BCAS3: variants seen among roughly 807,000 people sequenced by gnomAD.
BCAS3 encodes BCAS3 microtubule associated cell migration factor.
A neutral mutation model predicts 116.1 loss-of-function variants in BCAS3; 53 were observed. The observed-to-expected ratio is 0.46, with a 90% CI of 0.37 to 0.57. The LOEUF (loss-of-function observed/expected upper bound fraction) is 0.57, where lower values mean the gene tolerates loss of function less well. Among genes scored for constraint, BCAS3 ranks in the 20% least tolerant of loss-of-function variants. The pLI, the probability that BCAS3 is intolerant of heterozygous loss-of-function variation, is 0.00. For missense variants in BCAS3, 917 were observed against 1,165.4 expected (o/e 0.79, Z 3.10); for synonymous variants, 391 against 408.2 (o/e 0.96, Z 0.51).
chr17:60,678,552 C>T (rs951982443), intron 1 of BCAS3, among the ~76,000 whole-genome samples: 1 of 152,082 alleles, frequency 6.6e-6, no homozygotes, highest in Non-Finnish European at 1.5e-5. Flanking sequence ...TCAGGATTTA[C>T]TGATGTGACG....
chr17:61,137,780 A>G (rs368840620), intron 22 of BCAS3, among the ~76,000 whole-genome samples: 2 of 152,304 alleles, frequency 1.3e-5, no homozygotes, highest in South Asian at 4.1e-4. Flanking sequence ...AAGAAAAACA[A>G]AACAAAATGC....
intron 6 of BCAS3, among the ~76,000 whole-genome samples, chr17:60,776,438 T>C (rs565915626): frequency 1.8e-4 from 27 of 152,244 alleles, no homozygotes; most frequent in African/African-American, 6.3e-4. Flanking sequence ...TAAGAACAAA[T>C]GGCTGTGCGC....
chr17:60,726,115 G>A (rs982323474), intron 5 of BCAS3, among the ~76,000 whole-genome samples: 1 of 150,180 alleles, frequency 6.7e-6, no homozygotes, highest in African/African-American at 2.5e-5. Flanking sequence ...GGCTGGTCTC[G>A]AACTCCTGAC....
At chr17:61,044,464 A>AT (rs1193534129) in intron 19 of BCAS3, among the ~76,000 whole-genome samples, 216 of 139,644 alleles carry the variant, frequency 1.5e-3, no homozygotes, top group Middle Eastern at 0.011. Flanking sequence ...AAAAAAAAAA[A>AT]AATATATATA....
chr17:61,037,855 C>T lies in BCAS3; in HGVS notation c.1763-34C>T. ...TTATTCTGTGCTCCATTTATGCCATCATAACACATCGGGTTCTGTTTCTCT... is the reference window on the plus strand; with the variant it reads ...TTATTCTGTGCTCCATTTATGCCATTATAACACATCGGGTTCTGTTTCTCT... On this transcript the variant is annotated intron_variant, in intron 17 of 23. Transcript: ENST00000407086. This position sits in a 1 kb window ranked among gnomAD's most constrained non-coding sequence, Gnocchi z 4.7. 6.3e-7 allele frequency: 1 copy of T among 1,594,862 alleles called. No individual in the cohort carries two copies. Among genetic ancestry groups the T allele is most frequent in the Non-Finnish European group, 8.6e-7 (1 of 1,165,162 alleles).
At chr17:61,179,455 A>G (rs1187620027) in intron 22 of BCAS3, among the ~76,000 whole-genome samples, 1 of 152,124 alleles carries the variant, frequency 6.6e-6, no homozygotes, top group Non-Finnish European at 1.5e-5. Context: ...TAGACAGGCT[A>G]TTCTTGGAGC....
chr17:61,303,357 G>C (rs1218285450), intron 22 of BCAS3, among the ~76,000 whole-genome samples: 1 of 152,176 alleles, frequency 6.6e-6, no homozygotes, highest in Non-Finnish European at 1.5e-5. Flanking sequence ...CAGCGGCCTG[G>C]AACTTCTGAA....
In BCAS3 at chr17:61,210,636, C is replaced by T. The variant is rs143458526; in HGVS notation, c.2425+126072C>T. On this transcript the variant is annotated intron_variant, in intron 22 of 23. Transcript: ENST00000407086. ...TCTGTGACCAGGTGCTAAGAATGGC[C>T]TTGTGTTGTCAGTAATAGTGAACTG... 4.6e-5 allele frequency among the ~76,000 whole-genome samples: 7 copies of T among 152,276 alleles called. No individual in the cohort carries two copies. The East Asian group carries it at 1.4e-3, about 29-fold the overall frequency.
intron 22 of BCAS3, among the ~76,000 whole-genome samples, chr17:61,107,336 C>T (rs754666761): frequency 2.0e-5 from 3 of 152,032 alleles, no homozygotes; most frequent in East Asian, 1.9e-4. Context: ...CCACCTGCCT[C>T]GGCCTCCCAA....
Position 61,349,475 on chromosome 17 carries a change from T to A in BCAS3, c.2426-18852T>A, listed in dbSNP as rs1345604014. 6.8e-6 allele frequency among the ~76,000 whole-genome samples: 1 copy of A among 147,942 alleles called. No homozygotes were observed. On this transcript the variant is annotated intron_variant, in intron 22 of 23. Coordinates refer to ENST00000407086, the MANE Select transcript of BCAS3 (RefSeq NM_017679.5). This position sits in a 1 kb window ranked among gnomAD's most constrained non-coding sequence, Gnocchi z 4.7. ...TTCTGCACTTAGATTATTGGTCCAG[T>A]GGAAATTCTGCACTTAGATTATTGG...
chr17:60,994,289 A>G lies in BCAS3; in HGVS notation c.1486+4054A>G, dbSNP rs1209180284. Among the ~76,000 whole-genome samples the G allele has an allele frequency of 6.6e-6, 1 of 152,028 alleles. No homozygotes were observed. Among genetic ancestry groups the G allele is most frequent in the Non-Finnish European group, 1.5e-5 (1 of 67,974 alleles). On this transcript the variant is annotated intron_variant, in intron 15 of 23. Coordinates refer to ENST00000407086, the MANE Select transcript of BCAS3 (RefSeq NM_017679.5). The surrounding 1 kb of genome is among the most constrained non-coding windows in gnomAD (Gnocchi z 4.4). ...ATTTTAGTATTAATTGATTATATACATTACTATAACACTTTATTTTTAATA... is the reference window on the plus strand; with the variant it reads ...ATTTTAGTATTAATTGATTATATACGTTACTATAACACTTTATTTTTAATA...
chr17:60,971,350 T>G (rs2061948329), intron 14 of BCAS3, among the ~76,000 whole-genome samples: 1 of 152,224 alleles, frequency 6.6e-6, no homozygotes, highest in Admixed American at 6.5e-5. Flanking sequence ...TAAGTATCTT[T>G]GACTCTGCAT....
intron 15 of BCAS3, among the ~76,000 whole-genome samples, chr17:60,998,193 C>T (rs1320650534): frequency 6.6e-6 from 1 of 152,190 alleles, no homozygotes; most frequent in African/African-American, 2.4e-5. Flanking sequence ...TTTTTTATGG[C>T]TGCATAGTAT....
chr17:61,244,627 G>A lies in BCAS3; in HGVS notation c.2426-123700G>A, dbSNP rs1057066884. 3.9e-5 allele frequency among the ~76,000 whole-genome samples: 6 copies of A among 152,194 alleles called. No individual in the cohort carries two copies. Among genetic ancestry groups the A allele is most frequent in the Admixed American group, 2.6e-4 (4 of 15,284 alleles). On this transcript the variant is annotated intron_variant, in intron 22 of 23. Transcript: ENST00000407086. The surrounding 1 kb of genome is among the most constrained non-coding windows in gnomAD (Gnocchi z 4.9). ...GCCTGTAATCCCAGCACTTTGGGAG[G>A]CCAAAGCGGGCGGATCACGAGGTCA...
rs1056046027 is a variant in BCAS3 at position 60,967,930 on chromosome 17, T to C, written c.1221+20578T>C. ...TTGTTAAATTTCTCTGATAAATTTC[T>C]GAATTGCTTTTCTGTGTGTTTGTTG... On this transcript the variant is annotated intron_variant, in intron 14 of 23. Transcript: ENST00000407086. This position sits in a 1 kb window ranked among gnomAD's most constrained non-coding sequence, Gnocchi z 4.7. Among the ~76,000 whole-genome samples the C allele has an allele frequency of 2.7e-5, 4 of 150,780 alleles. No homozygotes were observed. Among genetic ancestry groups the C allele is most frequent in the African/African-American group, 1.0e-4 (4 of 40,108 alleles).
intron 23 of BCAS3, chr17:61,389,027 T>C (rs889863104): frequency 1.2e-5 from 4 of 330,162 alleles, no homozygotes; most frequent in African/African-American, 8.5e-5. Context: ...AGGGCACCCA[T>C]GATTTTCCAG....
intron 19 of BCAS3, among the ~76,000 whole-genome samples, chr17:61,047,107 C>T (rs1050740262): frequency 3.3e-5 from 5 of 151,904 alleles, no homozygotes; most frequent in African/African-American, 1.2e-4. Flanking sequence ...AGTAAAAACT[C>T]CAGATCCTGT....
chr17:61,101,387 A>C (rs572037191), intron 22 of BCAS3, among the ~76,000 whole-genome samples: 1 of 152,306 alleles, frequency 6.6e-6, no homozygotes, highest in South Asian at 2.1e-4. Context: ...CTTATGGGAA[A>C]ATTCAAACTA....
intron 22 of BCAS3, among the ~76,000 whole-genome samples, chr17:61,268,147 T>C (rs1824915338): frequency 6.6e-6 from 1 of 152,246 alleles, no homozygotes; most frequent in South Asian, 2.1e-4. Context: ...TTTGTCTGTT[T>C]TGCATTTGTC....
Sources: allele counts gnomAD v4.1 joint callset (sites outside exome capture counted in the v4.1 genomes callset), GRCh38; gene constraint gnomAD v4.1.1; non-coding constraint Gnocchi (gnomAD v3.1); transcripts MANE v1.5; gene names NCBI Gene and HGNC (gene_info 2026-07-23, HGNC 2026-07-21).